Variants in ABCA8 observed in about 807,000 individuals in gnomAD.
ABCA8 encodes the protein ABC-type organic anion transporter ABCA8.
In ABCA8, 177 loss-of-function variants were observed where a neutral mutation model predicts 192.3. The observed-to-expected ratio is 0.92, with a 90% CI of 0.81 to 1.04. The LOEUF is 1.04. Among genes scored for constraint, ABCA8 ranks in the 50% least tolerant of loss-of-function variants. ABCA8 has a pLI of 0.00. For missense variants in ABCA8, 1,915 were observed against 1,904.8 expected, an observed-to-expected ratio of 1.01 and a Z score of -0.10; for synonymous variants, 642 against 690.2, an observed-to-expected ratio of 0.93 and a Z score of 1.09.
intron 21 of ABCA8, 128 bp downstream of exon 21, chr17:68,902,585 A>C: frequency 1.4e-6 from 1 of 722,244 alleles, no homozygotes; most frequent in Non-Finnish European, 2.1e-6. Flanking sequence ...TATTATCTTT[A>C]AGTTTCATAA....
chr17:68,950,267 C>G (rs752626434), intron 1 of ABCA8, among the ~76,000 whole-genome samples: 4 of 152,074 alleles, frequency 2.6e-5, no homozygotes, highest in African/African-American at 9.7e-5. Flanking sequence ...CCATACTGCC[C>G]GAAGTAATTT....
At chr17:68,884,263 G>T in intron 28 of ABCA8, 68 bp downstream of exon 28, 1 of 1,355,524 alleles carries the variant, frequency 7.4e-7, no homozygotes, top group Non-Finnish European at 9.8e-7. Context: ...GTTTCACAGT[G>T]TGTACAGAAC....
chr17:68,947,296 T>G (rs1378021238), intron 2 of ABCA8, among the ~76,000 whole-genome samples: 1 of 152,210 alleles, frequency 6.6e-6, no homozygotes, highest in African/African-American at 2.4e-5. Flanking sequence ...TCTCTCATGT[T>G]TTCCAGCAAA....
intron 17 of ABCA8, among the ~76,000 whole-genome samples, chr17:68,910,846 A>T (rs887129464): frequency 3.9e-5 from 6 of 152,216 alleles, no homozygotes; most frequent in African/African-American, 1.4e-4. Flanking sequence ...CCAGAAGGGC[A>T]CCTGCTGCCT....
intron 28 of ABCA8, 86 bp from the exon 29 acceptor site, chr17:68,883,968 A>G (rs2066397121): frequency 2.5e-6 from 2 of 814,644 alleles, no homozygotes. Context: ...CCGAACTTCT[A>G]AAAAAATACA....
chr17:68,935,837 G>A (rs886985894), intron 5 of ABCA8, among the ~76,000 whole-genome samples: 8 of 151,740 alleles, frequency 5.3e-5, no homozygotes, highest in Admixed American at 1.3e-4. Flanking sequence ...TCTTTTCTTC[G>A]CATCTTTGCA....
At chr17:68,883,130 C>G (rs4148007) in intron 29 of ABCA8, among the ~76,000 whole-genome samples, 1 of 152,284 alleles carries the variant, frequency 6.6e-6, no homozygotes, top group Admixed American at 6.5e-5. Flanking sequence ...CCTCTCCATT[C>G]TAAGTCTGAT....
At chr17:68,921,301 GTAAC>G (rs2067525642) in intron 13 of ABCA8, 77 bp downstream of exon 13, 2 of 894,846 alleles carry the variant, frequency 2.2e-6, no homozygotes, top group South Asian at 1.7e-5. Flanking sequence ...GTATACATAT[GTAAC>G]TAACCTGCAC....
intron 38 of ABCA8, 63 bp downstream of exon 38, chr17:68,869,637 G>T: frequency 1.8e-6 from 2 of 1,135,572 alleles, no homozygotes; most frequent in South Asian, 1.3e-5. Context: ...TCATAAAGGT[G>T]ATTATTTTAT....
chr17:68,877,572 C>T lies in ABCA8; in HGVS notation c.4146G>A (p.Val1382=), dbSNP rs1567820601. 3 of 1,614,078 alleles carry T rather than the reference C, an allele frequency of 1.9e-6. No homozygotes were observed. The highest frequency in any genetic ancestry group is 1.3e-5 in the African/African-American group (1 of 75,032). The change falls in exon 33 of 40, where the codon GTG becomes GTA. Residue 1382 remains valine, a synonymous_variant. Transcript: ENST00000586539. ...TCCTCAGCCCTTTCACGGCGGCGTA[C>T]ACCTCCAGGTGCTGCCTCACTGTCA... The part of the protein sequence containing the change: ...PNLTVRQHLE[V]YAAVKGLRKG...
chr17:68,881,245 T>C, intron 31 of ABCA8, 34 bp from the exon 32 acceptor site: 1 of 1,398,238 alleles, frequency 7.2e-7, no homozygotes, highest in Non-Finnish European at 1.0e-6. Flanking sequence ...ATTAATCTAT[T>C]TTAATGGTAA....
intron 4 of ABCA8, among the ~76,000 whole-genome samples, chr17:68,938,008 G>T (rs1273182087): frequency 6.6e-6 from 1 of 152,074 alleles, no homozygotes; most frequent in East Asian, 1.9e-4. Context: ...TTTGAATGAG[G>T]TAATGTCGAG....
At chr17:68,938,280 A>G (rs961743765) in intron 4 of ABCA8, among the ~76,000 whole-genome samples, 1 of 152,154 alleles carries the variant, frequency 6.6e-6, no homozygotes, top group African/African-American at 2.4e-5. Flanking sequence ...GAAAAGTCCA[A>G]CATACTCTGG....
chr17:68,929,501 C>T (rs556572390), intron 8 of ABCA8, 60 bp downstream of exon 8: 20 of 1,542,752 alleles, frequency 1.3e-5, no homozygotes, highest in East Asian at 4.5e-5. Context: ...AGTAATCAGT[C>T]GGAAACAAAC....
Position 68,923,375 on chromosome 17 carries a change from T to G in ABCA8, c.1443-1075A>C, listed in dbSNP as rs1478562676. Among the ~76,000 whole-genome samples, 4 of 152,000 alleles carry G rather than the reference T, an allele frequency of 2.6e-5. No homozygotes were observed. In the South Asian group the frequency reaches 8.3e-4, roughly 32 times the overall value. ...GCACCATGCTTGGCTAATTTTTGTA[T>G]TTTTAGTAGAGATGGGGTTTTGCCA... On this transcript the variant is annotated intron_variant, in intron 11 of 39. Coordinates refer to ENST00000586539, the MANE Select transcript of ABCA8 (RefSeq NM_001288985.2).
intron 13 of ABCA8, 62 bp from the exon 14 acceptor site, chr17:68,919,538 G>C: frequency 7.0e-7 from 1 of 1,423,134 alleles, no homozygotes; most frequent in Non-Finnish European, 9.7e-7. Context: ...TAAAATCGCT[G>C]TTAATTAAAT....
At chr17:68,924,374 T>C (rs759065159) in intron 11 of ABCA8, among the ~76,000 whole-genome samples, 20 of 146,562 alleles carry the variant, frequency 1.4e-4, no homozygotes, top group Admixed American at 1.3e-3. Flanking sequence ...ATAGATGAGG[T>C]GGGGACAAAG....
chr17:68,947,686 T>C (rs796167289), intron 2 of ABCA8, among the ~76,000 whole-genome samples: 31 of 152,116 alleles, frequency 2.0e-4, no homozygotes, highest in African/African-American at 7.2e-4. Context: ...ATTTTGATAA[T>C]TTTCACTGAA....
Position 68,940,883 on chromosome 17 carries a change from A to G in ABCA8, c.176T>C (p.Leu59Pro), listed in dbSNP as rs764462170. 2.5e-6 allele frequency: 4 copies of G among 1,613,148 alleles called. No individual in the cohort carries two copies. The East Asian group carries it at 8.9e-5, about 36-fold the overall frequency. The change falls in exon 4 of 40, where the codon CTG (leucine) becomes CCG (proline). Residue 59 changes from leucine (L) to proline (P), a missense_variant. Physicochemically the swap from Leu to Pro is moderately conservative, Grantham distance 98 (BLOSUM62 -3). Transcript: ENST00000586539. Reference sequence around the variant, plus strand: ...TACCCGTCCCAGGTCCATGGTAAGCAGTGAAGAAAAATCATTTACTTGATG... The same window carrying G: ...TACCCGTCCCAGGTCCATGGTAAGCGGTGAAGAAAAATCATTTACTTGATG... ...HSHQVNDFSS[L>P]LTMDLGRVDT...
Sources: gnomAD v4.1 joint callset for allele counts (sites outside exome capture counted in the v4.1 genomes callset) on GRCh38, gnomAD v4.1.1 for gene constraint, MANE v1.5 for transcripts, NCBI Gene and HGNC (gene_info 2026-07-23, HGNC 2026-07-21) for gene names.